The following FMN2 variants were observed in gnomAD, a reference collection of about 807,000 sequenced individuals.
FMN2 encodes the protein formin 2.
In FMN2, 51 loss-of-function variants were observed where a neutral mutation model predicts 142.3. The ratio of observed to expected loss-of-function variants is 0.36; its 90% CI spans 0.29 to 0.45. FMN2 has a LOEUF of 0.45. FMN2 is among the 20% of genes least tolerant of loss of function. FMN2 has a pLI of 1.00. For missense variants in FMN2, 1,936 were observed against 2,122.8 expected (o/e 0.91, Z 1.73); for synonymous variants, 882 against 869.8 (o/e 1.01, Z -0.25).
At chr1:240,192,082 C>G (rs752034072) in intron 4 of FMN2, among the ~76,000 whole-genome samples, 1 of 152,202 alleles carries the variant, frequency 6.6e-6, no homozygotes, top group East Asian at 1.9e-4. Context: ...CTCTGATCAG[C>G]CCTACCGAGT....
At chr1:240,446,379 C>T (rs2103197828) in intron 16 of FMN2, among the ~76,000 whole-genome samples, 1 of 152,260 alleles carries the variant, frequency 6.6e-6, no homozygotes, top group South Asian at 2.1e-4. Flanking sequence ...AGGATTTGAA[C>T]ATTGTAGCAT....
chr1:240,448,789 C>G (rs1675908163), intron 16 of FMN2, among the ~76,000 whole-genome samples: 1 of 150,712 alleles, frequency 6.6e-6, no homozygotes, highest in Non-Finnish European at 1.5e-5. Flanking sequence ...CCACTGCACT[C>G]CTGCGTGGTC....
chr1:240,235,176 T>C (rs191129604), intron 6 of FMN2, among the ~76,000 whole-genome samples: 11 of 152,342 alleles, frequency 7.2e-5, no homozygotes, highest in Middle Eastern at 3.4e-3. Flanking sequence ...GGGGAAAAGA[T>C]GAAGTCTAAG....
chr1:240,372,803 C>T (rs1480414433), intron 14 of FMN2, among the ~76,000 whole-genome samples: 2 of 152,088 alleles, frequency 1.3e-5, no homozygotes, highest in Non-Finnish European at 2.9e-5. Context: ...ATAACAGTTA[C>T]ATTTATGCTA....
intron 2 of FMN2, among the ~76,000 whole-genome samples, chr1:240,134,158 T>G (rs1273319170): frequency 1.3e-5 from 2 of 152,230 alleles, no homozygotes; most frequent in Non-Finnish European, 2.9e-5. Flanking sequence ...ATTATTGCCT[T>G]TCAAGTTCTT....
intron 2 of FMN2, among the ~76,000 whole-genome samples, chr1:240,150,547 A>G (rs536371585): frequency 1.4e-4 from 21 of 152,326 alleles, no homozygotes; most frequent in Non-Finnish European, 2.9e-4. Context: ...ATTTGAGACT[A>G]AAGTCCAGCT....
At chr1:240,435,063 T>C (rs1675319301) in intron 15 of FMN2, among the ~76,000 whole-genome samples, 1 of 152,172 alleles carries the variant, frequency 6.6e-6, no homozygotes, top group South Asian at 2.1e-4. Flanking sequence ...AGGTTCACAT[T>C]TGACTTTAAA....
At chr1:240,125,973 TG>T (rs537849353) in intron 2 of FMN2, among the ~76,000 whole-genome samples, 119 of 152,352 alleles carry the variant, frequency 7.8e-4, no homozygotes, top group African/African-American at 2.8e-3. Context: ...TCATTGGCTC[TG>T]TACGACCTCT....
chr1:240,251,277 A>G (rs986400308), intron 6 of FMN2, among the ~76,000 whole-genome samples: 1 of 151,518 alleles, frequency 6.6e-6, no homozygotes, highest in African/African-American at 2.4e-5. Flanking sequence ...TGTGTTTCCA[A>G]TTTCATTTGC....
intron 7 of FMN2, among the ~76,000 whole-genome samples, chr1:240,294,377 C>T (rs1033533700): frequency 6.6e-6 from 1 of 152,170 alleles, no homozygotes. Flanking sequence ...ATGCCCCCAT[C>T]ATTTTTATAC....
intron 2 of FMN2, among the ~76,000 whole-genome samples, chr1:240,123,894 G>A (rs1351989453): frequency 6.6e-6 from 1 of 152,160 alleles, no homozygotes; most frequent in African/African-American, 2.4e-5. Flanking sequence ...ACTATGCTAG[G>A]TAGCTCATAT....
intron 2 of FMN2, among the ~76,000 whole-genome samples, chr1:240,127,045 G>A (rs1030207438): frequency 2.0e-5 from 3 of 152,084 alleles, no homozygotes; most frequent in Non-Finnish European, 4.4e-5. Context: ...AGGAAGCTGG[G>A]GCTTCAGGAG....
At chr1:240,464,700 GA>G (rs1676556672) in intron 16 of FMN2, among the ~76,000 whole-genome samples, 1 of 152,046 alleles carries the variant, frequency 6.6e-6, no homozygotes, top group Non-Finnish European at 1.5e-5. Flanking sequence ...GCTGGCCCCG[GA>G]CCCCCAGGGA....
intron 2 of FMN2, among the ~76,000 whole-genome samples, chr1:240,156,855 G>A (rs1431638498): frequency 2.0e-5 from 3 of 152,116 alleles, no homozygotes; most frequent in South Asian, 2.1e-4. Context: ...TTCATTAATC[G>A]CCTGAATTAT....
chr1:240,307,027 T>G (rs924978159), intron 8 of FMN2, among the ~76,000 whole-genome samples: 3 of 152,220 alleles, frequency 2.0e-5, no homozygotes, highest in Admixed American at 6.5e-5. Flanking sequence ...TTCTTAAGTT[T>G]AGCTGCTTGT....
chr1:240,104,110 C>T (rs973545780), intron 1 of FMN2, among the ~76,000 whole-genome samples: 1 of 151,118 alleles, frequency 6.6e-6, no homozygotes, highest in South Asian at 2.1e-4. Context: ...GATCTCCTGA[C>T]CTCGTGATCC....
chr1:240,239,082 T>A (rs1318087047), intron 6 of FMN2, among the ~76,000 whole-genome samples: 1 of 152,202 alleles, frequency 6.6e-6, no homozygotes, highest in African/African-American at 2.4e-5. Context: ...AAATGAACTC[T>A]ATACTTGAGT....
rs58725251 is a variant in FMN2 at position 240,153,385 on chromosome 1, G to GTTTT, written c.1783-24520_1783-24517dup. 1.2e-3 allele frequency among the ~76,000 whole-genome samples: 150 copies of GTTTT among 124,298 alleles called. 8 individuals carry two copies. In the South Asian group the frequency reaches 0.024, roughly 20 times the overall value. 81.5% of individuals were successfully genotyped at this position (124,298 alleles called of 152,430 possible). The stretch of plus-strand genomic sequence containing the variant: ...ACCCATTGAGCTGGTTGTATTTACA[G>GTTTT]TTTTTTTTTTTTTTTTTTTGACAGG... On this transcript the variant is annotated intron_variant, in intron 2 of 17. Transcript: ENST00000319653.
intron 6 of FMN2, among the ~76,000 whole-genome samples, chr1:240,218,860 A>G (rs530691172): frequency 6.6e-6 from 1 of 152,292 alleles, no homozygotes; most frequent in East Asian, 1.9e-4. Context: ...GAGTAATTCA[A>G]GTGACTATAC....
Sources: gnomAD v4.1 joint callset for allele counts (sites outside exome capture counted in the v4.1 genomes callset) on GRCh38, gnomAD v4.1.1 for gene constraint, MANE v1.5 for transcripts, NCBI Gene and HGNC (gene_info 2026-07-23, HGNC 2026-07-21) for gene names.